Variants in MICAL2 observed in about 807,000 individuals in gnomAD.
MICAL2 encodes [F-actin]-monooxygenase MICAL2.
A neutral mutation model predicts 127.3 loss-of-function variants in MICAL2; 77 were observed. That is an observed-to-expected ratio of 0.60 (90% CI 0.50 to 0.73). The LOEUF (loss-of-function observed/expected upper bound fraction) is 0.73. Among genes scored for constraint, MICAL2 ranks in the 30% least tolerant of loss-of-function variants. MICAL2 has a pLI of 0.00. For missense variants in MICAL2, 1,351 were observed against 1,434.4 expected (o/e 0.94, Z 0.94); for synonymous variants, 570 against 551.1 (o/e 1.03, Z -0.48).
intron 2 of MICAL2, among the ~76,000 whole-genome samples, chr11:12,140,498 C>T (rs1238416297): frequency 6.0e-5 from 8 of 132,544 alleles, no homozygotes; most frequent in Middle Eastern, 3.7e-3. Flanking sequence ...AACTTTGGCT[C>T]TTTTTTTTTT....
intron 1 of MICAL2, among the ~76,000 whole-genome samples, chr11:12,127,223 AT>A (rs1250869453): frequency 1.3e-5 from 2 of 152,190 alleles, no homozygotes; most frequent in East Asian, 3.8e-4. Context: ...CAGTCTAGGC[AT>A]CTCTAGCCTC....
chr11:12,155,782 G>T (rs1190960138), intron 2 of MICAL2, among the ~76,000 whole-genome samples: 2 of 152,246 alleles, frequency 1.3e-5, no homozygotes, highest in African/African-American at 4.8e-5. Context: ...TGGTGAGAGT[G>T]CCTGGGTGGT....
At chr11:12,172,688 A>G (rs1475860369) in intron 3 of MICAL2, among the ~76,000 whole-genome samples, 1 of 152,050 alleles carries the variant, frequency 6.6e-6, no homozygotes, top group Non-Finnish European at 1.5e-5. Flanking sequence ...GGTGAAAAGG[A>G]AGAAAAAAAA....
chr11:12,263,024 A>T (rs1863341236), intron 27 of MICAL2: 1 of 156,628 alleles, frequency 6.4e-6, no homozygotes, highest in Non-Finnish European at 1.4e-5. Flanking sequence ...ATTTGGAGGG[A>T]TTTAAAAAAC....
intron 33 of MICAL2, among the ~76,000 whole-genome samples, chr11:12,350,518 T>A (rs1209564206): frequency 6.6e-6 from 1 of 152,176 alleles, no homozygotes; most frequent in Non-Finnish European, 1.5e-5. Context: ...TGAAGTGCCA[T>A]AAGTTGTGCT....
At chr11:12,269,920 C>T (rs1050375024) in intron 24 of MICAL2, among the ~76,000 whole-genome samples, 1 of 152,172 alleles carries the variant, frequency 6.6e-6, no homozygotes, top group East Asian at 1.9e-4. Context: ...AGCCAGAGGC[C>T]GAAGATTGCC....
intron 17 of MICAL2, 144 bp downstream of exon 17, chr11:12,239,729 C>T: frequency 2.0e-6 from 2 of 983,504 alleles, no homozygotes; most frequent in Admixed American, 3.1e-5. Context: ...AGTCAACAGA[C>T]TTTTCTATAA....
rs748122471 is a variant in MICAL2 at position 12,223,427 on chromosome 11, T to C, written c.1466T>C (p.Ile489Thr). Residue 489 changes from isoleucine to threonine, a missense_variant, in exon 12 of 28, where the codon ATC (isoleucine) becomes ACC (threonine). Transcript: ENST00000683283. ...VRPHQVKHLY[I>T]TKELEHYPLE... ...TGCTCATAGGTGAAGCATTTGTATA[T>C]CACTAAGGAGCTGGAGCACTACCCT... 4 of 1,613,896 alleles carry C rather than the reference T, an allele frequency of 2.5e-6. No individual in the cohort carries two copies. Among genetic ancestry groups the C allele is most frequent in the Admixed American group, 1.7e-5 (1 of 60,018 alleles).
chr11:12,118,917 A>G (rs1186185120), intron 1 of MICAL2, among the ~76,000 whole-genome samples: 2 of 152,144 alleles, frequency 1.3e-5, no homozygotes, highest in Non-Finnish European at 2.9e-5. Flanking sequence ...GCCAGAATGA[A>G]TGACACTGGT....
At chr11:12,353,514 C>G (rs1033947573) in intron 33 of MICAL2, among the ~76,000 whole-genome samples, 5 of 152,226 alleles carry the variant, frequency 3.3e-5, no homozygotes, top group Non-Finnish European at 7.3e-5. Context: ...GCTCTCACCT[C>G]TGACCACTGC....
At chr11:12,122,545 A>T (rs562215456) in intron 1 of MICAL2, among the ~76,000 whole-genome samples, 2 of 152,060 alleles carry the variant, frequency 1.3e-5, no homozygotes, top group Non-Finnish European at 2.9e-5. Flanking sequence ...AGTAGCTGGG[A>T]TTACAGGCAT....
intron 32 of MICAL2, among the ~76,000 whole-genome samples, chr11:12,331,420 T>A (rs575933749): frequency 6.6e-6 from 1 of 151,620 alleles, no homozygotes; most frequent in Non-Finnish European, 1.5e-5. Context: ...TGGTTTCTTC[T>A]TCCCGGAGAT....
intron 32 of MICAL2, among the ~76,000 whole-genome samples, chr11:12,329,582 C>G (rs1215352437): frequency 6.6e-6 from 1 of 152,126 alleles, no homozygotes; most frequent in Non-Finnish European, 1.5e-5. Flanking sequence ...CACTTAACCT[C>G]TCTGGTCCTA....
At chr11:12,157,829 C>A (rs762090262) in intron 2 of MICAL2, among the ~76,000 whole-genome samples, 1 of 152,218 alleles carries the variant, frequency 6.6e-6, no homozygotes, top group Non-Finnish European at 1.5e-5. Flanking sequence ...GCTAGGTCAG[C>A]CCTTCCCAGT....
chr11:12,331,259 T>A (rs1864425157), intron 32 of MICAL2, among the ~76,000 whole-genome samples: 1 of 152,182 alleles, frequency 6.6e-6, no homozygotes, highest in South Asian at 2.1e-4. Flanking sequence ...ATACCTGGAA[T>A]CTGATGAAAA....
intron 33 of MICAL2, among the ~76,000 whole-genome samples, chr11:12,353,363 C>G (rs987046953): frequency 4.6e-5 from 7 of 152,210 alleles, no homozygotes; most frequent in African/African-American, 1.4e-4. Flanking sequence ...TGGTGCACTT[C>G]TTGTTTTGTT....
intron 26 of MICAL2, chr11:12,260,382 C>G: frequency 2.3e-6 from 3 of 1,278,236 alleles, no homozygotes; most frequent in Non-Finnish European, 2.0e-6. Context: ...TATGAAGGAT[C>G]TTTTCTATAG....
intron 27 of MICAL2, chr11:12,263,028 A>T (rs1863341522): frequency 6.4e-6 from 1 of 156,704 alleles, no homozygotes; most frequent in African/African-American, 2.4e-5. Flanking sequence ...GGAGGGATTT[A>T]AAAAACTTAA....
chr11:12,242,771 AGGTAAACAT>A lies in MICAL2; in HGVS notation c.2658+2_2658+10del. The A allele has an allele frequency of 6.2e-7, 1 of 1,603,388 alleles. No individual in the cohort carries two copies. Among genetic ancestry groups the A allele is most frequent in the Non-Finnish European group, 8.5e-7 (1 of 1,176,150 alleles). ...ATGTTTGGACACGGGGATTTCCCGC[AGGTAAACAT>A]GGGGCTTTCAGAGCCCCCAGGAACC... On this transcript the variant is annotated splice_donor_variant and splice_donor_5th_base_variant and coding_sequence_variant and intron_variant, in exon 20 of 28. Transcript: ENST00000683283. LOFTEE classifies it high-confidence loss of function.
Sources: allele counts gnomAD v4.1 joint callset (sites outside exome capture counted in the v4.1 genomes callset), GRCh38; gene constraint gnomAD v4.1.1; transcripts MANE v1.5; gene names NCBI Gene and HGNC (gene_info 2026-07-23, HGNC 2026-07-21).